NAXE: variants seen among roughly 807,000 people sequenced by gnomAD.
NAXE encodes NAD(P)HX epimerase, also known as NAD(P)H-hydrate epimerase.
In NAXE, 25 loss-of-function variants were observed where a neutral mutation model predicts 31.2. The observed-to-expected ratio is 0.80, with a 90% CI of 0.58 to 1.12. The LOEUF is 1.12. Among genes scored for constraint, NAXE ranks in the 50% most tolerant of loss-of-function variants. The probability of loss-of-function intolerance (pLI) is 0.00; values close to 1 mark genes in which losing one functional copy is unlikely to be tolerated. For missense variants in NAXE, 362 were observed against 376.1 expected, an observed-to-expected ratio of 0.96 and a Z score of 0.31; for synonymous variants, 144 against 154.5, an observed-to-expected ratio of 0.93 and a Z score of 0.50.
intron 4 of NAXE, 24 bp from the exon 5 acceptor site, chr1:156,593,384 C>T: frequency 6.2e-7 from 1 of 1,604,486 alleles, no homozygotes; most frequent in Non-Finnish European, 8.5e-7. Context: ...CTGGCTCTGA[C>T]ATCCTTTTCC....
rs1677426073 is a variant in NAXE at position 156,594,094 on chromosome 1, G to A, written c.*10G>A. On this transcript the variant is annotated 3_prime_UTR_variant, in exon 6 of 6. Transcript: ENST00000368235. ...CTATCGTCTGCAGTGAGGGAAGGTG[G>A]GTGGGTATTCTTCCCAATAAAGACT... 5 of 1,613,472 alleles carry A rather than the reference G, an allele frequency of 3.1e-6. No homozygotes were observed. Among genetic ancestry groups the A allele is most frequent in the South Asian group, 1.1e-5 (1 of 91,042 alleles).
chr1:156,594,033 G>A lies in NAXE; in HGVS notation c.816G>A (p.Gln272=), dbSNP rs1182789426. The A allele has an allele frequency of 6.2e-7, 1 of 1,614,104 alleles. No homozygotes were observed. The highest frequency in any genetic ancestry group is 2.2e-5 in the East Asian group (1 of 44,886). ...FVPPALEKKY[Q]LNLPPYPDTE... is the part of the protein sequence containing the mutation. ...CACCTGCTCTGGAGAAGAAGTACCA[G>A]CTGAACCTGCCACCCTACCCTGACA... The change falls in exon 6 of 6, where the codon CAG becomes CAA. Residue 272 remains glutamine (Q), a synonymous_variant. Coordinates refer to ENST00000368235, the MANE Select transcript of NAXE (RefSeq NM_144772.3).
chr1:156,592,663 C>A lies in NAXE; in HGVS notation c.509C>A (p.Pro170His). Residue 170 changes from proline (P) to histidine (H), a missense_variant, in exon 4 of 6, where the codon CCC becomes CAC. Physicochemically the swap from Pro to His is moderately conservative, Grantham distance 77 (BLOSUM62 -2). Transcript: ENST00000368235. ...GACATCCCTTTCCTTGGGGAAATGC[C>A]CGCAGAGGTAGGTGGCTCCAGTTGA... ...KMDIPFLGEM[P>H]AEPMTIDELY... The A allele has an allele frequency of 6.2e-7, 1 of 1,613,124 alleles. No individual in the cohort carries two copies. The highest frequency in any genetic ancestry group is 8.5e-7 in the Non-Finnish European group (1 of 1,179,232).
chr1:156,592,875 C>G (rs1250986807), intron 4 of NAXE: 14 of 577,444 alleles, frequency 2.4e-5, no homozygotes, highest in Non-Finnish European at 6.2e-6. Flanking sequence ...CTAAAGCTTC[C>G]TTGCCCTTTC....
intron 4 of NAXE, 133 bp downstream of exon 4, chr1:156,592,803 G>A: frequency 1.3e-6 from 1 of 762,548 alleles, no homozygotes; most frequent in South Asian, 1.7e-5. Flanking sequence ...ATTCGAATAA[G>A]TGTGCAAGAG....
rs2102488763 is a variant in NAXE, at chr1:156,591,824, T to C, written c.20T>C (p.Leu7Pro). 1 of 1,604,728 alleles carries C rather than the reference T, an allele frequency of 6.2e-7. No homozygotes were observed. The highest frequency in any genetic ancestry group is 8.5e-7 in the Non-Finnish European group (1 of 1,178,286). The change falls in exon 1 of 6, where the codon CTG (leucine) becomes CCG (proline). Residue 7 changes from leucine (L) to proline (P), a missense_variant. By Grantham distance (98) the Leu-to-Pro change is moderately conservative (BLOSUM62 -3). Coordinates refer to ENST00000368235, the MANE Select transcript of NAXE (RefSeq NM_144772.3). MSRLRA[L>P]LGLGLLVAGS... ...AGCTGGATGTCCAGGCTGCGGGCGCTGCTGGGCCTCGGGCTGCTGGTTGCG... is the reference window on the plus strand; with the variant it reads ...AGCTGGATGTCCAGGCTGCGGGCGCCGCTGGGCCTCGGGCTGCTGGTTGCG...
At position 156,592,387 on chromosome 1, in the gene NAXE, C is replaced by G. The variant is rs369618770; in HGVS notation, c.314C>G (p.Ser105Cys). ...CAGGCATATCCCCCCACGTCCATGT[C>G]CAGGAGCCCCCCTACTGTCCTGGTC... is the stretch of plus-strand genomic sequence containing the variant. ...IAKAYPPTSM[S>C]RSPPTVLVIC... is the part of the protein sequence containing the mutation. The change falls in exon 3 of 6, where the codon TCC becomes TGC. Residue 105 changes from serine to cysteine, a missense_variant. Ser to Cys is a moderately radical substitution (Grantham distance 112). Transcript: ENST00000368235. 12 of 1,614,056 alleles carry G rather than the reference C, an allele frequency of 7.4e-6. No homozygotes were observed. Among genetic ancestry groups the G allele is most frequent in the Non-Finnish European group, 9.3e-6 (11 of 1,180,040 alleles).
At position 156,591,785 on chromosome 1, in the gene NAXE, G is replaced by C. The variant is rs1034363060; in HGVS notation, c.-20G>C. The C allele has an allele frequency of 1.5e-6, 2 of 1,322,576 alleles. No homozygotes were observed. The highest frequency in any genetic ancestry group is 9.8e-7 in the Non-Finnish European group (1 of 1,018,898). 81.9% of individuals were successfully genotyped at this position (1,322,576 alleles called of 1,614,324 possible). On this transcript the variant is annotated 5_prime_UTR_variant, in exon 1 of 6. Transcript: ENST00000368235. ...GCGCCGGGGCCGGGCCGGGCCGGGG[G>C]CGCGCGCTCTGCGAGCTGGATGTCC... is the stretch of plus-strand genomic sequence containing the variant.
intron 4 of NAXE, 160 bp from the exon 5 acceptor site, chr1:156,593,248 G>C (rs1049974033): frequency 5.3e-6 from 5 of 941,516 alleles, no homozygotes; most frequent in Non-Finnish European, 7.5e-6. Context: ...GCCTGAATCA[G>C]TGACCAACTC....
rs778355823 is a variant in NAXE at position 156,593,978 on chromosome 1, G to A, written c.761G>A (p.Arg254His). 22 of 1,614,020 alleles carry A rather than the reference G, an allele frequency of 1.4e-5. No homozygotes were observed. Among genetic ancestry groups the A allele is most frequent in the African/African-American group, 1.2e-4 (9 of 74,888 alleles). Residue 254 changes from arginine to histidine, a missense_variant, in exon 6 of 6, where the codon CGC becomes CAC. Transcript: ENST00000368235. ...AAATCTGCAACCCAGTTTACCGGTCGCTACCATTACCTGGGGGGTCGTTTT... is the reference window on the plus strand; with the variant it reads ...AAATCTGCAACCCAGTTTACCGGTCACTACCATTACCTGGGGGGTCGTTTT... Reference protein sequence around the residue: ...PKKSATQFTGRYHYLGGRFVP... With the variant: ...PKKSATQFTGHYHYLGGRFVP...
rs1285971686 is a variant in NAXE, at chr1:156,591,922, C to T, written c.118C>T (p.Arg40Trp). 1 of 1,612,656 alleles carries T rather than the reference C, an allele frequency of 6.2e-7. No homozygotes were observed. The highest frequency in any genetic ancestry group is 8.5e-7 in the Non-Finnish European group (1 of 1,179,756). Residue 40 changes from arginine (R) to tryptophan (W), a missense_variant, in exon 1 of 6, where the codon CGG (arginine) becomes TGG (tryptophan). Arg to Trp is a moderately radical substitution (Grantham distance 101, BLOSUM62 -3). Transcript: ENST00000368235. ...GGGACCCACCTGGTGGGGACCGCAG[C>T]GGCTGAACTCGGGTGGCCGCTGGGA... ...RSGPTWWGPQRLNSGGRWDSE... is the reference protein window; with the variant it reads ...RSGPTWWGPQWLNSGGRWDSE...
intron 4 of NAXE, 77 bp downstream of exon 4, chr1:156,592,747 C>G (rs1458795700): frequency 2.9e-6 from 4 of 1,378,776 alleles, no homozygotes; most frequent in Non-Finnish European, 4.1e-6. Context: ...TGTTTCCAGG[C>G]TGAGCTCATT....
rs766201367 is a variant in NAXE, at chr1:156,593,616, C to T, written c.664+61C>T. ...GGGCCCTACCCTCCTGACTCTTGCCCACACCAGGTCTAAAATAATTTTAGT... is the reference window on the plus strand; with the variant it reads ...GGGCCCTACCCTCCTGACTCTTGCCTACACCAGGTCTAAAATAATTTTAGT... On this transcript the variant is annotated intron_variant, in intron 5 of 5. Coordinates refer to ENST00000368235, the MANE Select transcript of NAXE (RefSeq NM_144772.3). The T allele has an allele frequency of 1.1e-5, 18 of 1,601,984 alleles. No individual in the cohort carries two copies. The East Asian group carries it at 4.0e-4, about 36-fold the overall frequency.
intron 5 of NAXE, 114 bp downstream of exon 5, chr1:156,593,669 A>AC: frequency 1.4e-6 from 2 of 1,472,066 alleles, no homozygotes; most frequent in Non-Finnish European, 1.9e-6. Flanking sequence ...AGCTTTCTGG[A>AC]CCCCCATCAG....
intron 5 of NAXE, 120 bp downstream of exon 5, chr1:156,593,675 A>G (rs777130815): frequency 1.9e-5 from 28 of 1,456,870 alleles, no homozygotes; most frequent in Admixed American, 8.0e-5. Flanking sequence ...CTGGACCCCC[A>G]TCAGGGCTGG....
chr1:156,593,375 T>C (rs775620289), intron 4 of NAXE, 33 bp from the exon 5 acceptor site: 1 of 1,599,086 alleles, frequency 6.3e-7, no homozygotes, highest in South Asian at 1.1e-5. Flanking sequence ...GTGCAGCTGC[T>C]GGCTCTGACA....
intron 4 of NAXE, 101 bp downstream of exon 4, chr1:156,592,771 C>A: frequency 1.9e-6 from 2 of 1,077,370 alleles, no homozygotes; most frequent in South Asian, 1.4e-5. Flanking sequence ...GTGCCTGGTA[C>A]GGAAGGTGCC....
At position 156,591,848 on chromosome 1, in the gene NAXE, C is replaced by G; in HGVS notation, c.44C>G (p.Ala15Gly). Residue 15 changes from alanine (A) to glycine (G), a missense_variant, in exon 1 of 6, where the codon GCG becomes GGG. Coordinates refer to ENST00000368235, the MANE Select transcript of NAXE (RefSeq NM_144772.3). ...RALLGLGLLVAGSRVPRIKSQ... is the reference protein window; with the variant it reads ...RALLGLGLLVGGSRVPRIKSQ... ...CTGCTGGGCCTCGGGCTGCTGGTTG[C>G]GGGCTCGCGCGTGCCGCGGATCAAA... 1 of 1,609,960 alleles carries G rather than the reference C, an allele frequency of 6.2e-7. No homozygotes were observed. Among genetic ancestry groups the G allele is most frequent in the African/African-American group, 1.3e-5 (1 of 74,976 alleles).
At position 156,594,000 on chromosome 1, in the gene NAXE, T is replaced by C; in HGVS notation, c.783T>C (p.Arg261=). ...GTCGCTACCATTACCTGGGGGGTCG[T>C]TTTGTGCCACCTGCTCTGGAGAAGA... is the stretch of plus-strand genomic sequence containing the variant. ...FTGRYHYLGG[R]FVPPALEKKY... The change falls in exon 6 of 6, where the codon CGT becomes CGC. Residue 261 remains arginine, a synonymous_variant. Transcript: ENST00000368235. 1 of 1,614,088 alleles carries C rather than the reference T, an allele frequency of 6.2e-7. No homozygotes were observed. The highest frequency in any genetic ancestry group is 8.5e-7 in the Non-Finnish European group (1 of 1,180,000).
Sources: allele counts gnomAD v4.1 joint callset, GRCh38; gene constraint gnomAD v4.1.1; transcripts MANE v1.5; gene names NCBI Gene and HGNC (gene_info 2026-07-23, HGNC 2026-07-21).